DAB2IP: variants seen among roughly 807,000 people sequenced by gnomAD.
DAB2IP encodes the protein DAB2 interacting protein, also known as disabled homolog 2-interacting protein.
A neutral mutation model predicts 107.2 loss-of-function variants in DAB2IP; 28 were observed. That is an observed-to-expected ratio of 0.26 (90% CI 0.19 to 0.36). The LOEUF is 0.36. DAB2IP is among the 10% of genes least tolerant of loss of function. The pLI is 1.00. For synonymous variants in DAB2IP, 755 were observed against 706.4 expected, an observed-to-expected ratio of 1.07 and a Z score of -1.09; for missense variants, 1,400 against 1,644.7, an observed-to-expected ratio of 0.85 and a Z score of 2.57.
intron 1 of DAB2IP, among the ~76,000 whole-genome samples, chr9:121,624,996 G>A (rs1048538182): frequency 5.9e-5 from 9 of 152,220 alleles, no homozygotes; most frequent in South Asian, 2.1e-4. Flanking sequence ...CTAAGCACTC[G>A]CACTGCCTGC....
chr9:121,638,855 A>G (rs1832180915), intron 1 of DAB2IP, among the ~76,000 whole-genome samples: 1 of 152,342 alleles, frequency 6.6e-6, no homozygotes, highest in East Asian at 1.9e-4. Context: ...TGAAGAGCCC[A>G]TTTCACAGAG....
chr9:121,677,965 T>C (rs1321796113), intron 1 of DAB2IP, among the ~76,000 whole-genome samples: 3 of 152,150 alleles, frequency 2.0e-5, no homozygotes. Flanking sequence ...CCAGGCCTTT[T>C]TCCCCCCTTT....
intron 1 of DAB2IP, among the ~76,000 whole-genome samples, chr9:121,626,840 G>A (rs1211590183): frequency 1.3e-5 from 2 of 152,026 alleles, no homozygotes; most frequent in African/African-American, 4.8e-5. Flanking sequence ...TGGAGGAAAA[G>A]GTTCTCTTGT....
intron 6 of DAB2IP, among the ~76,000 whole-genome samples, chr9:121,762,576 C>G (rs1318119568): frequency 6.6e-6 from 1 of 152,154 alleles, no homozygotes; most frequent in African/African-American, 2.4e-5. Context: ...TTTAAAGGAC[C>G]CCAAGGTCGT....
chr9:121,771,164 G>A (rs1168427536), intron 11 of DAB2IP, among the ~76,000 whole-genome samples: 1 of 152,132 alleles, frequency 6.6e-6, no homozygotes, highest in Non-Finnish European at 1.5e-5. Flanking sequence ...GGAATTCGGT[G>A]GCTCTGCCAG....
At chr9:121,647,115 C>T (rs774067923), upstream of DAB2IP, among the ~76,000 whole-genome samples, 35 of 152,126 alleles carry the variant, frequency 2.3e-4, no homozygotes, top group Non-Finnish European at 4.7e-4. Context: ...ACTTGTAACC[C>T]TCCTCTGTTA....
chr9:121,583,685 T>C (rs1203213127), intron 1 of DAB2IP, among the ~76,000 whole-genome samples: 3 of 152,166 alleles, frequency 2.0e-5, no homozygotes, highest in Non-Finnish European at 1.5e-5. Flanking sequence ...GGCATTTAGC[T>C]GCCCGCATAG....
At chr9:121,678,640 T>A in intron 1 of DAB2IP, 38 bp from the exon 2 acceptor site, 1 of 1,454,740 alleles carries the variant, frequency 6.9e-7, no homozygotes, top group Non-Finnish European at 9.2e-7. Flanking sequence ...TGGCCTTGGC[T>A]GTTCTTGTTC....
intron 3 of DAB2IP, among the ~76,000 whole-genome samples, chr9:121,742,092 G>A (rs1832391623): frequency 6.6e-6 from 1 of 152,152 alleles, no homozygotes; most frequent in Non-Finnish European, 1.5e-5. Context: ...CTGTGGAGTT[G>A]GACCTGAAGA....
In DAB2IP at chr9:121,782,629, T is replaced by C; in HGVS notation, c.*131T>C. The C allele has an allele frequency of 2.0e-6, 3 of 1,501,816 alleles. No homozygotes were observed. In the South Asian group the frequency reaches 4.0e-5, roughly 20 times the overall value. 93.0% of individuals were successfully genotyped at this position (1,501,816 alleles called of 1,614,324 possible). A position where few individuals can be genotyped will look rare whatever the true frequency, so the allele number is the denominator to read the frequency against. ...GTCAGGAGGCCGAGCCTCCCCTCCC[T>C]GCCGCTGTCCAGGAGGCGGCCGCAG... On this transcript the variant is annotated 3_prime_UTR_variant, in exon 16 of 16. Coordinates refer to ENST00000408936, the Ensembl canonical transcript of DAB2IP. This position sits in a 1 kb window ranked among gnomAD's most constrained non-coding sequence, Gnocchi z 6.1.
chr9:121,598,278 G>A (rs1432612186), intron 1 of DAB2IP: 1 of 152,324 alleles, frequency 6.6e-6, no homozygotes, highest in Non-Finnish European at 1.5e-5. Context: ...CGAATTAACT[G>A]GTTCTGTCTG....
intron 1 of DAB2IP, among the ~76,000 whole-genome samples, chr9:121,617,716 G>A (rs951126812): frequency 6.6e-6 from 1 of 152,184 alleles, no homozygotes; most frequent in Non-Finnish European, 1.5e-5. Flanking sequence ...TGAGGAAATC[G>A]AGGCCCAGGG....
At chr9:121,768,307 T>TG in intron 9 of DAB2IP, 125 bp from the exon 10 acceptor site, 1 of 1,003,266 alleles carries the variant, frequency 1.0e-6, no homozygotes, top group Non-Finnish European at 1.6e-6. Flanking sequence ...TCAGCTGACT[T>TG]GGGGAGTGAA....
At chr9:121,671,983 G>T (rs1453881262) in intron 1 of DAB2IP, among the ~76,000 whole-genome samples, 1 of 152,174 alleles carries the variant, frequency 6.6e-6, no homozygotes, top group Non-Finnish European at 1.5e-5. Flanking sequence ...TGTGTTGTCG[G>T]TTCCTACTGG....
intron 3 of DAB2IP, among the ~76,000 whole-genome samples, chr9:121,747,133 T>C (rs1832771750): frequency 6.6e-6 from 1 of 152,050 alleles, no homozygotes; most frequent in Admixed American, 6.5e-5. Context: ...GCAGGGAGGT[T>C]GGGCTCTTTT....
chr9:121,687,741 C>T (rs1456291454), intron 2 of DAB2IP, among the ~76,000 whole-genome samples: 1 of 152,144 alleles, frequency 6.6e-6, no homozygotes, highest in Non-Finnish European at 1.5e-5. Flanking sequence ...AAATCTCACT[C>T]ATAGAAGGTG....
At chr9:121,654,554 G>T (rs970176334) in intron 1 of DAB2IP, among the ~76,000 whole-genome samples, 8 of 152,140 alleles carry the variant, frequency 5.3e-5, no homozygotes, top group African/African-American at 1.9e-4. Context: ...CCTCCTCCTT[G>T]GTGGGAGGCA....
intron 1 of DAB2IP, among the ~76,000 whole-genome samples, chr9:121,636,986 C>G (rs1243105760): frequency 1.3e-5 from 2 of 152,180 alleles, no homozygotes; most frequent in African/African-American, 2.4e-5. Context: ...CCTGGACTGT[C>G]AGATCCTAAA....
chr9:121,776,427 C>A lies in DAB2IP; in HGVS notation c.3314+36C>A. On this transcript the variant is annotated intron_variant, in intron 14 of 15. Coordinates refer to ENST00000408936, the Ensembl canonical transcript of DAB2IP. The surrounding 1 kb of genome is among the most constrained non-coding windows in gnomAD (Gnocchi z 5.4). ...CACCTGCCTGGCCTGGCCACAGGCA[C>A]AGGCAGGGCAGCCATCGCTGCCTTC... 1 of 1,475,104 alleles carries A rather than the reference C, an allele frequency of 6.8e-7. No homozygotes were observed. 91.4% of individuals were successfully genotyped at this position (1,475,104 alleles called of 1,614,324 possible).
Sources: gnomAD v4.1 joint callset for allele counts (sites outside exome capture counted in the v4.1 genomes callset) on GRCh38, gnomAD v4.1.1 for gene constraint, Gnocchi (gnomAD v3.1) non-coding constraint, MANE v1.5 for transcripts, NCBI Gene and HGNC (gene_info 2026-07-23, HGNC 2026-07-21) for gene names.